RGN: variants seen among roughly 807,000 people sequenced by gnomAD.
RGN encodes the protein regucalcin, also known as epididymis secretory protein Li 41.
RGN carries 19 observed loss-of-function variants against 20.6 expected under a neutral mutation model. The ratio of observed to expected loss-of-function variants is 0.92; its 90% CI spans 0.64 to 1.35. The LOEUF (loss-of-function observed/expected upper bound fraction) is 1.35. RGN is among the 40% of genes most tolerant of loss of function. RGN has a pLI of 0.00. For missense variants in RGN, 302 were observed against 232.7 expected (o/e 1.30, Z -1.94); for synonymous variants, 85 against 87.2 (o/e 0.97, Z 0.14).
intron 7 of RGN, 84 bp downstream of exon 7, chrX:47,092,299 C>T (rs1931052373): frequency 1.2e-6 from 1 of 824,858 alleles, no homozygotes; most frequent in Admixed American, 3.5e-5. Flanking sequence ...GGTACTTTTG[C>T]ATACTTCCAA....
chrX:47,085,504 G>A (rs1044745351), intron 4 of RGN, among the ~76,000 whole-genome samples: 2 of 109,620 alleles, frequency 1.8e-5, no homozygotes, highest in African/African-American at 6.6e-5. Flanking sequence ...GCAATAGAGC[G>A]AGACTCCATC....
At chrX:47,089,612 C>T (rs200282411) in intron 4 of RGN, among the ~76,000 whole-genome samples, 164 bp from the exon 5 acceptor site, 105 of 20,332 alleles carry the variant, frequency 5.2e-3, no homozygotes, top group East Asian at 0.01. Flanking sequence ...CACACACACA[C>T]ACACACACAC....
intron 4 of RGN, among the ~76,000 whole-genome samples, chrX:47,088,692 G>A (rs782566043): frequency 2.7e-5 from 3 of 109,118 alleles, no homozygotes; most frequent in South Asian, 8.0e-4. Flanking sequence ...AGCACTTTGG[G>A]AGGCCGAGGC....
At chrX:47,083,686 G>T (rs1193013982) in intron 3 of RGN, among the ~76,000 whole-genome samples, 1 of 111,831 alleles carries the variant, frequency 8.9e-6, no homozygotes, top group Non-Finnish European at 1.9e-5. Context: ...CAAGGCGGGT[G>T]GATCACCTGA....
Position 47,089,828 on chromosome X carries a change from C to T in RGN, c.399C>T (p.Ala133=). Residue 133 remains alanine (A), a synonymous_variant, in exon 5 of 8, where the codon GCC becomes GCT. Coordinates refer to ENST00000397180, the MANE Select transcript of RGN (RefSeq NM_152869.4). The part of the protein sequence containing the change: ...APAVLERHQG[A]LYSLFPDHHV... ...CAGTTCTTGAGCGGCACCAGGGGGC[C>T]CTGTACTCCCTCTTTCCTGATCACC... 1 of 1,207,755 alleles carries T rather than the reference C, an allele frequency of 8.3e-7. No individual in the cohort carries two copies. The highest frequency in any genetic ancestry group is 1.1e-6 in the Non-Finnish European group (1 of 894,394).
chrX:47,084,703 C>A, intron 4 of RGN, 103 bp downstream of exon 4: 2 of 741,559 alleles, frequency 2.7e-6, no homozygotes, highest in Non-Finnish European at 3.8e-6. Context: ...CGCCTGTAAT[C>A]CAGCACTTTG....
Position 47,089,632 on chromosome X carries a change from CAT to C in RGN, c.347-133_347-132del, listed in dbSNP as rs1227990214. 1,091 of 204,529 alleles carry C rather than the reference CAT, an allele frequency of 5.3e-3. 29 individuals are homozygous for C. The highest frequency in any genetic ancestry group is 0.043 in the African/African-American group (960 of 22,241). 16.9% of individuals were successfully genotyped at this position (204,529 alleles called of 1,213,427 possible). A position where few individuals can be genotyped will look rare whatever the true frequency, so the allele number is the denominator to read the frequency against. ...ACACACACACACACACACACACACA[CAT>C]ATATATATATGGCCCAGATTGGAAT... On this transcript the variant is annotated intron_variant, in intron 4 of 7. Transcript: ENST00000397180.
In RGN at chrX:47,092,118, G is replaced by C. The variant is rs781976033; in HGVS notation, c.752G>C (p.Gly251Ala). 8 of 1,207,968 alleles carry C rather than the reference G, an allele frequency of 6.6e-6. No homozygotes were observed. Among genetic ancestry groups the C allele is most frequent in the Non-Finnish European group, 1.1e-6 (1 of 892,864 alleles). ...PVDKTTSCCFGGKNYSEMYVT... is the reference protein window; with the variant it reads ...PVDKTTSCCFAGKNYSEMYVT... ...GATAAAACAACTTCATGCTGCTTTG[G>C]AGGGAAGAATTACTCTGAAATGTAT... Residue 251 changes from glycine (G) to alanine (A), a missense_variant, in exon 7 of 8, where the codon GGA becomes GCA. Gly to Ala is a moderately conservative substitution (Grantham distance 60). Transcript: ENST00000397180.
Position 47,078,604 on chromosome X carries a change from G to C in RGN, c.-741G>C, listed in dbSNP as rs1309134218. The C allele has an allele frequency of 8.9e-6, 1 of 112,754 alleles. No individual in the cohort carries two copies. Among genetic ancestry groups the C allele is most frequent in the Non-Finnish European group, 1.9e-5 (1 of 53,428 alleles). The allele number at this position is 112,754 out of a possible 1,213,427, so 9.3% of individuals were successfully genotyped here. On this transcript the variant is annotated 5_prime_UTR_variant, in exon 1 of 8. Transcript: ENST00000397180. ...AAAGCCTGCGCCAGGGAGGAGGCAG[G>C]CTCAACCTTCAGATTCCCAGGGCCT...
chrX:47,084,856 G>C (rs1930515468), intron 4 of RGN: 1 of 296,705 alleles, frequency 3.4e-6, no homozygotes, highest in South Asian at 1.0e-4. Context: ...TCAGGAGGCT[G>C]AGTTGGAAGG....
At position 47,078,538 on chromosome X, in the gene RGN, A is replaced by C. The variant is rs1465182034; in HGVS notation, c.-807A>C. The C allele has an allele frequency of 2.7e-5, 3 of 112,718 alleles. No homozygotes were observed. In the Admixed American group the frequency reaches 2.8e-4, roughly 11 times the overall value. 9.3% of individuals were successfully genotyped at this position (112,718 alleles called of 1,213,427 possible). ...CTGACTGCTCTGTGCCCACCCGGGG[A>C]CCCGGGCCCGTTCAGCCGGGCTGGC... is the stretch of plus-strand genomic sequence containing the variant. On this transcript the variant is annotated 5_prime_UTR_variant, in exon 1 of 8. Transcript: ENST00000397180.
chrX:47,089,806 T>C lies in RGN; in HGVS notation c.377T>C (p.Val126Ala). ...ATGGCTGAGGAAACAGCTCCAGCAG[T>C]TCTTGAGCGGCACCAGGGGGCCCTG... The part of the protein sequence containing the change: ...GTMAEETAPA[V>A]LERHQGALYS... Residue 126 changes from valine to alanine, a missense_variant, in exon 5 of 8, where the codon GTT (valine) becomes GCT (alanine). Coordinates refer to ENST00000397180, the MANE Select transcript of RGN (RefSeq NM_152869.4). 8.3e-7 allele frequency: 1 copy of C among 1,207,010 alleles called. No individual in the cohort carries two copies. The highest frequency in any genetic ancestry group is 3.0e-5 in the East Asian group (1 of 33,654).
chrX:47,078,836 C>T lies in RGN; in HGVS notation c.-636+127C>T, dbSNP rs1602437025. The stretch of plus-strand genomic sequence containing the variant: ...ACCCCCGTCCCCTCCCCACCGGCTT[C>T]TACTAGGGAGCATGGGGTTAAAAGT... On this transcript the variant is annotated intron_variant, in intron 1 of 7. Transcript: ENST00000397180. 3.6e-5 allele frequency: 4 copies of T among 110,364 alleles called. 1 individual carries two copies. In the Admixed American group the frequency reaches 3.9e-4, roughly 11 times the overall value. The allele number at this position is 110,364 out of a possible 1,213,427, so 9.1% of individuals were successfully genotyped here.
chrX:47,078,947 C>A (rs1247312147), intron 1 of RGN, among the ~76,000 whole-genome samples: 1 of 104,733 alleles, frequency 9.5e-6, no homozygotes, highest in Non-Finnish European at 2.0e-5. Context: ...CACTGCCCCC[C>A]ACCCCCGCTT....
At chrX:47,091,479 G>C (rs1352662174) in intron 5 of RGN, among the ~76,000 whole-genome samples, 199 bp from the exon 6 acceptor site, 2 of 111,776 alleles carry the variant, frequency 1.8e-5, no homozygotes, top group African/African-American at 6.5e-5. Context: ...TGCTTAAACA[G>C]ATATGCCTGT....
chrX:47,079,366 TTGTTTTGTTTTG>T, intron 1 of RGN, among the ~76,000 whole-genome samples: 1 of 22,739 alleles, frequency 4.4e-5, no homozygotes, highest in African/African-American at 2.9e-4. Flanking sequence ...GTTTTTTTTT[TTGTTTTGTTTTG>T]GTTTGGTTTG....
At chrX:47,090,283 C>T (rs1342280171) in intron 5 of RGN, among the ~76,000 whole-genome samples, 1 of 111,094 alleles carries the variant, frequency 9.0e-6, no homozygotes, top group African/African-American at 3.3e-5. Flanking sequence ...AATCCTTTTC[C>T]TTGCCATCAT....
Position 47,080,898 on chromosome X carries a change from G to T in RGN, c.-54G>T. ...GTGGAGGTCAGAGTGTCACTTTTTT[G>T]TTTTCTTTTTGAAAGATCATTCGAG... On this transcript the variant is annotated 5_prime_UTR_variant, in exon 2 of 8. Transcript: ENST00000397180. The T allele has an allele frequency of 1.5e-5, 5 of 334,187 alleles. No individual in the cohort carries two copies. The highest frequency in any genetic ancestry group is 2.6e-5 in the Non-Finnish European group (5 of 193,794). 27.5% of individuals were successfully genotyped at this position (334,187 alleles called of 1,213,427 possible). A position where few individuals can be genotyped will look rare whatever the true frequency, so the allele number is the denominator to read the frequency against.
intron 7 of RGN, 133 bp downstream of exon 7, chrX:47,092,348 G>T: frequency 3.7e-6 from 2 of 535,355 alleles, no homozygotes; most frequent in Non-Finnish European, 5.7e-6. Context: ...CATCATACTA[G>T]ACTGAAAAAC....
Sources: allele counts gnomAD v4.1 joint callset (sites outside exome capture counted in the v4.1 genomes callset), GRCh38; gene constraint gnomAD v4.1.1; transcripts MANE v1.5; gene names NCBI Gene and HGNC (gene_info 2026-07-23, HGNC 2026-07-21).